CACNG5: variants seen among roughly 807,000 people sequenced by gnomAD.
CACNG5 encodes voltage-dependent calcium channel gamma-5 subunit.
In CACNG5, 18 loss-of-function variants were observed where a neutral mutation model predicts 24.8. The ratio of observed to expected loss-of-function variants is 0.73; its 90% CI spans 0.50 to 1.08. The LOEUF (loss-of-function observed/expected upper bound fraction) is 1.08, where lower values mean the gene tolerates loss of function less well. Ranked by LOEUF, CACNG5 falls within the 50% of genes least tolerant of loss-of-function variation. The pLI is 0.00. For synonymous variants in CACNG5, 157 were observed against 149.1 expected (o/e 1.05, Z -0.39); for missense variants, 349 against 367.9 (o/e 0.95, Z 0.42).
chr17:66,875,940 G>A (rs938932785), intron 1 of CACNG5, among the ~76,000 whole-genome samples: 9 of 152,224 alleles, frequency 5.9e-5, no homozygotes, highest in Admixed American at 5.2e-4. Flanking sequence ...ACCCCTTCTG[G>A]GCCCTTGTCA....
chr17:66,872,867 G>A (rs1272206449), intron 1 of CACNG5, among the ~76,000 whole-genome samples: 3 of 152,060 alleles, frequency 2.0e-5, no homozygotes. Flanking sequence ...GTGACACTTG[G>A]CCACTTCTAA....
chr17:66,857,802 A>G (rs1057416665), intron 1 of CACNG5, among the ~76,000 whole-genome samples: 2 of 152,186 alleles, frequency 1.3e-5, no homozygotes, highest in Non-Finnish European at 2.9e-5. Context: ...TTGGCTGCAC[A>G]TTAGAATCAA....
Position 66,859,058 on chromosome 17 carries a change from A to G in CACNG5, c.-103-18172A>G, listed in dbSNP as rs1308207113. On this transcript the variant is annotated intron_variant, in intron 1 of 5. Transcript: ENST00000533854. ...CACTCGTAGGGACATGCTCCAACCC[A>G]GGCAGCCAGGCGCTCAGCTGTGCTC... 2.0e-5 allele frequency among the ~76,000 whole-genome samples: 3 copies of G among 152,136 alleles called. No homozygotes were observed. The East Asian group carries it at 5.8e-4, about 29-fold the overall frequency.
At chr17:66,876,288 C>G (rs909238940) in intron 1 of CACNG5, among the ~76,000 whole-genome samples, 5 of 152,202 alleles carry the variant, frequency 3.3e-5, no homozygotes, top group Admixed American at 3.3e-4. Flanking sequence ...TGGAGCAGCA[C>G]CAGGGTATCA....
Position 66,880,653 on chromosome 17 carries a change from G to T in CACNG5, c.380G>T (p.Arg127Leu), listed in dbSNP as rs142916987. The T allele has an allele frequency of 6.8e-6, 11 of 1,614,080 alleles. No homozygotes were observed. The highest frequency in any genetic ancestry group is 9.3e-6 in the Non-Finnish European group (11 of 1,180,034). ...AACATCGGACACATCCGTCCCCACC[G>T]GACGATACTGGCCTTTGTCTCTGGC... ...LNNIGHIRPH[R>L]TILAFVSGIF... Residue 127 changes from arginine (R) to leucine (L), a missense_variant, in exon 4 of 6, where the codon CGG becomes CTG. Transcript: ENST00000533854.
At chr17:66,858,329 C>T (rs532488212) in intron 1 of CACNG5, among the ~76,000 whole-genome samples, 2 of 152,254 alleles carry the variant, frequency 1.3e-5, no homozygotes, top group Admixed American at 1.3e-4. Flanking sequence ...TGAAGACAGC[C>T]ATTTGATGAC....
intron 1 of CACNG5, among the ~76,000 whole-genome samples, chr17:66,840,814 C>G (rs929142064): frequency 1.3e-5 from 2 of 152,108 alleles, no homozygotes; most frequent in Non-Finnish European, 2.9e-5. Context: ...TCGGGCACAC[C>G]GGTGTGTTGC....
At chr17:66,865,286 G>A (rs1450355561) in intron 1 of CACNG5, among the ~76,000 whole-genome samples, 1 of 146,108 alleles carries the variant, frequency 6.8e-6, no homozygotes, top group African/African-American at 2.5e-5. Flanking sequence ...TTTTTCAGCT[G>A]GTTTTGATCT....
chr17:66,836,661 C>A (rs1976485198), intron 1 of CACNG5, among the ~76,000 whole-genome samples: 1 of 152,216 alleles, frequency 6.6e-6, no homozygotes. Flanking sequence ...GGGTGCCTAA[C>A]AGGGTGAAAT....
At position 66,893,725 on chromosome 17, in the gene CACNG5, GC is replaced by G. The variant is rs3833119; in HGVS notation, c.*8492del. On this transcript the variant is annotated 3_prime_UTR_variant, in exon 6 of 6. Coordinates refer to ENST00000533854, the MANE Select transcript of CACNG5 (RefSeq NM_145811.3). ...GGGTGTGCCATGGCAGGTGAGACCCGCCCCCCCAACCCGGCATTCTGAAGCC... is the reference window on the plus strand; with the variant it reads ...GGGTGTGCCATGGCAGGTGAGACCCGCCCCCCAACCCGGCATTCTGAAGCC... Among the ~76,000 whole-genome samples the G allele has an allele frequency of 7.8e-6, 1 of 128,566 alleles. No homozygotes were observed. The highest frequency in any genetic ancestry group is 3.0e-5 in the African/African-American group (1 of 33,898). The allele number at this position is 128,566 out of a possible 152,430, so 84.3% of individuals were successfully genotyped here.
chr17:66,868,395 G>C (rs1453657694), intron 1 of CACNG5, among the ~76,000 whole-genome samples: 1 of 152,202 alleles, frequency 6.6e-6, no homozygotes, highest in Non-Finnish European at 1.5e-5. Context: ...TTGGGGCAGA[G>C]AGAGCCTCAC....
Position 66,888,303 on chromosome 17 carries a change from G to C in CACNG5, c.*3063G>C, listed in dbSNP as rs1222250598. The stretch of plus-strand genomic sequence containing the variant: ...CTCATGCCTGTAATCCCAGCACTTT[G>C]GGAGGCCGAGGCAGGCAGATCACTA... On this transcript the variant is annotated 3_prime_UTR_variant, in exon 6 of 6. Coordinates refer to ENST00000533854, the MANE Select transcript of CACNG5 (RefSeq NM_145811.3). Among the ~76,000 whole-genome samples the C allele has an allele frequency of 2.0e-5, 3 of 150,386 alleles. No individual in the cohort carries two copies. The highest frequency in any genetic ancestry group is 4.4e-5 in the Non-Finnish European group (3 of 67,816).
At position 66,860,592 on chromosome 17, in the gene CACNG5, C is replaced by T. The variant is rs113282237; in HGVS notation, c.-103-16638C>T. On this transcript the variant is annotated intron_variant, in intron 1 of 5. Coordinates refer to ENST00000533854, the MANE Select transcript of CACNG5 (RefSeq NM_145811.3). ...ATGGAATGAAAATACCCCAGATAAACAGAAACTGAGAGAATGTGTTGCTGG... is the reference window on the plus strand; with the variant it reads ...ATGGAATGAAAATACCCCAGATAAATAGAAACTGAGAGAATGTGTTGCTGG... Among the ~76,000 whole-genome samples the T allele has an allele frequency of 2.9e-3, 429 of 146,586 alleles. 2 individuals are homozygous for T. The highest frequency in any genetic ancestry group is 0.01 in the African/African-American group (403 of 39,186).
Position 66,879,003 on chromosome 17 carries a change from A to T in CACNG5, c.228A>T (p.Glu76Asp), listed in dbSNP as rs1339823901. The change falls in exon 3 of 6, where the codon GAA becomes GAT. Residue 76 changes from glutamate to aspartate, a missense_variant. Glu to Asp is a conservative substitution (Grantham distance 45, BLOSUM62 2). Transcript: ENST00000533854. ...AGCGGGGGCGTTGCTTCACCATAGA[A>T]TATGTGATGCCCATGAACACCCAGC... Reference protein sequence around the residue: ...GEERGRCFTIEYVMPMNTQLT... With the variant: ...GEERGRCFTIDYVMPMNTQLT... The T allele has an allele frequency of 6.2e-7, 1 of 1,613,798 alleles. No individual in the cohort carries two copies. The highest frequency in any genetic ancestry group is 1.3e-5 in the African/African-American group (1 of 75,040).
chr17:66,843,810 G>A (rs1019798274), intron 1 of CACNG5, among the ~76,000 whole-genome samples: 1 of 152,176 alleles, frequency 6.6e-6, no homozygotes, highest in Admixed American at 6.5e-5. Context: ...TCCTGGGTGG[G>A]GGGAGGCAGG....
Position 66,885,118 on chromosome 17 carries a change from G to C in CACNG5, c.706G>C (p.Ala236Pro), listed in dbSNP as rs774617037. Residue 236 changes from alanine to proline, a missense_variant, in exon 6 of 6, where the codon GCC becomes CCC. Transcript: ENST00000533854. Reference protein sequence around the residue: ...DYSGQFLHPDAWVRGRSPSDI... With the variant: ...DYSGQFLHPDPWVRGRSPSDI... The stretch of plus-strand genomic sequence containing the variant: ...CTCAGGCCAGTTCCTACACCCAGAC[G>C]CCTGGGTCAGGGGCCGCAGCCCCTC... 2 of 1,613,954 alleles carry C rather than the reference G, an allele frequency of 1.2e-6. No individual in the cohort carries two copies. Among genetic ancestry groups the C allele is most frequent in the African/African-American group, 2.7e-5 (2 of 74,910 alleles).
At chr17:66,884,807 ATG>A in intron 5 of CACNG5, 146 bp downstream of exon 5, 1 of 1,613,204 alleles carries the variant, frequency 6.2e-7, no homozygotes, top group Non-Finnish European at 8.5e-7. Context: ...TCATCCCAGA[ATG>A]TGTCACTGTC....
At chr17:66,865,182 C>T (rs1332586124) in intron 1 of CACNG5, among the ~76,000 whole-genome samples, 2 of 151,746 alleles carry the variant, frequency 1.3e-5, no homozygotes, top group Non-Finnish European at 2.9e-5. Context: ...ATTACATTTT[C>T]CAACTGGCTA....
In CACNG5 at chr17:66,879,046, G is replaced by T; in HGVS notation, c.271G>T (p.Val91Phe). The change falls in exon 3 of 6, where the codon GTC becomes TTC. Residue 91 changes from valine to phenylalanine, a missense_variant. By Grantham distance (50) the Val-to-Phe change is conservative. Transcript: ENST00000533854. ...MNTQLTSEST[V>F]NVLKMIRSAT... is the part of the protein sequence containing the mutation. Reference sequence around the variant, plus strand: ...CACCCAGCTGACATCCGAGTCCACGGTCAATGTTCTAAGTAAGTGCCTTGA... The same window carrying T: ...CACCCAGCTGACATCCGAGTCCACGTTCAATGTTCTAAGTAAGTGCCTTGA... The T allele has an allele frequency of 6.2e-7, 1 of 1,613,904 alleles. No homozygotes were observed. Among genetic ancestry groups the T allele is most frequent in the Non-Finnish European group, 8.5e-7 (1 of 1,179,870 alleles).
Sources: allele counts gnomAD v4.1 joint callset (sites outside exome capture counted in the v4.1 genomes callset), GRCh38; gene constraint gnomAD v4.1.1; transcripts MANE v1.5; gene names NCBI Gene and HGNC (gene_info 2026-07-23, HGNC 2026-07-21).